Variants in NOL3 observed in about 807,000 individuals in gnomAD.
NOL3 encodes nucleolar protein 3.
Under a neutral mutation model 19.2 loss-of-function variants are expected in NOL3, and 18 were observed. The ratio of observed to expected loss-of-function variants is 0.94; its 90% CI spans 0.65 to 1.39. The LOEUF (loss-of-function observed/expected upper bound fraction) is 1.39, where lower values mean the gene tolerates loss of function less well. Among genes scored for constraint, NOL3 ranks in the 40% most tolerant of loss-of-function variants. NOL3 has a pLI of 0.00. For missense variants in NOL3, 290 were observed against 289.5 expected, an observed-to-expected ratio of 1.00 and a Z score of -0.01; for synonymous variants, 127 against 137.3, an observed-to-expected ratio of 0.93 and a Z score of 0.52.
At position 67,170,785 on chromosome 16, in the gene NOL3, G is replaced by T. The variant is rs553609153; in HGVS notation, c.-9+211G>T. ...GTGGAGGGAGGTAAGGGGCGGGGGGGGAAAATCCGTGCAGTCGCACATGCG... is the reference window on the plus strand; with the variant it reads ...GTGGAGGGAGGTAAGGGGCGGGGGGTGAAAATCCGTGCAGTCGCACATGCG... On this transcript the variant is annotated intron_variant, in intron 1 of 3. Coordinates refer to ENST00000268605, the Ensembl canonical transcript of NOL3. This position sits in a 1 kb window ranked among gnomAD's most constrained non-coding sequence, Gnocchi z 5.7. 5.6e-4 allele frequency among the ~76,000 whole-genome samples: 84 copies of T among 150,514 alleles called. 1 individual carries two copies. Among genetic ancestry groups the T allele is most frequent in the Middle Eastern group, 3.4e-3 (1 of 292 alleles).
exon 4 of NOL3, chr16:67,175,454 C>G: frequency 1.6e-6 from 1 of 642,160 alleles, no homozygotes; most frequent in Non-Finnish European, 2.0e-6. Context: ...ACCAGCTCAA[C>G]CCCACGCAAG....
At position 67,170,795 on chromosome 16, in the gene NOL3, T is replaced by G. The variant is rs2031701325; in HGVS notation, c.-9+221T>G. On this transcript the variant is annotated intron_variant, in intron 1 of 3. Coordinates refer to ENST00000268605, the Ensembl canonical transcript of NOL3. The surrounding 1 kb of genome is among the most constrained non-coding windows in gnomAD (Gnocchi z 5.7). Reference sequence around the variant, plus strand: ...GTAAGGGGCGGGGGGGGAAAATCCGTGCAGTCGCACATGCGCAAAGGCTCT... The same window carrying G: ...GTAAGGGGCGGGGGGGGAAAATCCGGGCAGTCGCACATGCGCAAAGGCTCT... Among the ~76,000 whole-genome samples the G allele has an allele frequency of 6.6e-6, 1 of 151,732 alleles. No individual in the cohort carries two copies. Among genetic ancestry groups the G allele is most frequent in the African/African-American group, 2.4e-5 (1 of 41,150 alleles).
Position 67,170,786 on chromosome 16 carries a change from G to GGA in NOL3, c.-9+212_-9+213insGA, listed in dbSNP as rs375874027. On this transcript the variant is annotated intron_variant, in intron 1 of 3. Coordinates refer to ENST00000268605, the Ensembl canonical transcript of NOL3. This position sits in a 1 kb window ranked among gnomAD's most constrained non-coding sequence, Gnocchi z 5.7. ...TGGAGGGAGGTAAGGGGCGGGGGGG[G>GGA]AAAATCCGTGCAGTCGCACATGCGC... 1.9e-4 allele frequency among the ~76,000 whole-genome samples: 29 copies of GGA among 152,018 alleles called. No homozygotes were observed. Among genetic ancestry groups the GGA allele is most frequent in the African/African-American group, 5.8e-4 (24 of 41,448 alleles).
intron 1 of NOL3, chr16:67,173,805 C>A: frequency 1.4e-6 from 2 of 1,450,798 alleles, no homozygotes; most frequent in South Asian, 1.3e-5. Context: ...GGTCTGAACT[C>A]GCCTCGGATT....
chr16:67,175,064 C>A, exon 4 of NOL3: 1 of 1,614,252 alleles, frequency 6.2e-7, no homozygotes, highest in Non-Finnish European at 8.5e-7. Flanking sequence ...AAGGCCAGAG[C>A]TCTGACAGGC....
At chr16:67,173,302 G>A (rs1289591769) in intron 1 of NOL3, among the ~76,000 whole-genome samples, 2 of 152,162 alleles carry the variant, frequency 1.3e-5, no homozygotes, top group Non-Finnish European at 2.9e-5. Context: ...TAGGGCTTCA[G>A]TAGGGAGACA....
intron 1 of NOL3, chr16:67,171,243 G>C (rs1342722795): frequency 6.6e-6 from 1 of 152,272 alleles, no homozygotes; most frequent in Non-Finnish European, 1.5e-5. Context: ...CGTGTACACA[G>C]TGCAATGATG....
exon 2 of NOL3, chr16:67,174,269 C>T (rs778599095): frequency 6.2e-7 from 1 of 1,612,392 alleles, no homozygotes; most frequent in African/African-American, 1.3e-5. Context: ...GTTGGACGCG[C>T]TGCTGGCGCG....
At position 67,174,485 on chromosome 16, in the gene NOL3, CTA is replaced by C. The variant is rs768316803; in HGVS notation, c.295+22_295+23del. On this transcript the variant is annotated intron_variant, in intron 2 of 3. Coordinates refer to ENST00000268605, the Ensembl canonical transcript of NOL3. ...TCCGGGTGAGCGCGCGGGGCGGGGC[CTA>C]GGGCAGAGCAGGGACGGGGCTGGGG... The C allele has an allele frequency of 4.7e-6, 7 of 1,476,456 alleles. No individual in the cohort carries two copies. The East Asian group carries it at 1.7e-4, about 35-fold the overall frequency. The allele number at this position is 1,476,456 out of a possible 1,614,324, so 91.5% of individuals were successfully genotyped here. A position where few individuals can be genotyped will look rare whatever the true frequency, so the allele number is the denominator to read the frequency against.
At chr16:67,174,006 A>G in intron 1 of NOL3, 156 bp from the exon 2 acceptor site, 1 of 1,543,068 alleles carries the variant, frequency 6.5e-7, no homozygotes, top group Non-Finnish European at 8.7e-7. Flanking sequence ...GTTGGCCTCC[A>G]GGTCCTGTGC....
rs1021339689 is a variant in NOL3, at chr16:67,173,844, G to A, written c.-8-318G>A. 4 of 1,531,904 alleles carry A rather than the reference G, an allele frequency of 2.6e-6. No individual in the cohort carries two copies. The African/African-American group carries it at 5.5e-5, about 21-fold the overall frequency. 94.9% of individuals were successfully genotyped at this position (1,531,904 alleles called of 1,614,324 possible). On this transcript the variant is annotated intron_variant, in intron 1 of 3. Transcript: ENST00000268605. ...CGGGGGTGGAGCTCAGGACGTCCTG[G>A]TTGGGGAGGGCATTCAGAGAGTAGA...
Position 67,173,919 on chromosome 16 carries a change from T to C in NOL3, c.-8-243T>C. Reference sequence around the variant, plus strand: ...AGGAGAGGAGAGCCACGGCTGACGCTTGGGGACAGAAGGAGGAGCCTGAGG... The same window carrying C: ...AGGAGAGGAGAGCCACGGCTGACGCCTGGGGACAGAAGGAGGAGCCTGAGG... On this transcript the variant is annotated intron_variant, in intron 1 of 3. Coordinates refer to ENST00000268605, the Ensembl canonical transcript of NOL3. The C allele has an allele frequency of 3.3e-6, 5 of 1,536,088 alleles. No individual in the cohort carries two copies. In the South Asian group the frequency reaches 3.6e-5, roughly 11 times the overall value.
chr16:67,175,176 C>A, exon 4 of NOL3: 2 of 1,576,310 alleles, frequency 1.3e-6, no homozygotes, highest in South Asian at 2.3e-5. Flanking sequence ...TGAATAAACT[C>A]CGGAGGGTCG....
chr16:67,174,907 G>C (rs781105697), exon 3 of NOL3: 6 of 1,613,426 alleles, frequency 3.7e-6, no homozygotes, highest in Non-Finnish European at 5.1e-6. Flanking sequence ...CGGACCCAGA[G>C]CCCGAGCCCG....
intron 1 of NOL3, chr16:67,171,705 T>G (rs2031771781): frequency 6.6e-6 from 1 of 152,126 alleles, no homozygotes; most frequent in South Asian, 2.1e-4. Context: ...TCTGAGCCTG[T>G]CTCCTCATCT....
At chr16:67,175,243 G>A in exon 4 of NOL3, 1 of 1,481,826 alleles carries the variant, frequency 6.7e-7, no homozygotes. Context: ...CTTAGGGTGG[G>A]TACCTCTGAG....
chr16:67,173,824 G>T (rs745763631), intron 1 of NOL3: 64 of 1,511,488 alleles, frequency 4.2e-5, no homozygotes, highest in Non-Finnish European at 5.4e-5. Context: ...TTTGCCGGGG[G>T]TGGAGCTCAG....
chr16:67,171,271 G>A (rs1039406127), intron 1 of NOL3: 2 of 152,440 alleles, frequency 1.3e-5, no homozygotes, highest in African/African-American at 4.8e-5. Flanking sequence ...ATGCACTAGT[G>A]AGGGCATGTG....
chr16:67,174,173 G>C, exon 2 of NOL3: 2 of 1,609,150 alleles, frequency 1.2e-6, no homozygotes, highest in South Asian at 1.1e-5. Flanking sequence ...CCCGACAATG[G>C]GCAACGCGCA....
Sources: gnomAD v4.1 joint callset for allele counts (sites outside exome capture counted in the v4.1 genomes callset) on GRCh38, gnomAD v4.1.1 for gene constraint, Gnocchi (gnomAD v3.1) non-coding constraint, MANE v1.5 for transcripts, NCBI Gene and HGNC (gene_info 2026-07-23, HGNC 2026-07-21) for gene names.